ZNF420: variants seen among roughly 807,000 people sequenced by gnomAD.
The protein encoded by ZNF420 is zinc finger protein 420.
A neutral mutation model predicts 44.7 loss-of-function variants in ZNF420; 31 were observed. That is an observed-to-expected ratio of 0.69 (90% CI 0.52 to 0.94). The LOEUF is 0.94. ZNF420 is among the 40% of genes least tolerant of loss of function. ZNF420 has a pLI of 0.00. For synonymous variants in ZNF420, 245 were observed against 267.4 expected, an observed-to-expected ratio of 0.92 and a Z score of 0.82; for missense variants, 681 against 827.9, an observed-to-expected ratio of 0.82 and a Z score of 2.18.
Position 37,089,095 on chromosome 19 carries a change from T to G in ZNF420, c.-24T>G. On this transcript the variant is annotated 5_prime_UTR_variant, in exon 3 of 5. Coordinates refer to ENST00000337995, the MANE Select transcript of ZNF420 (RefSeq NM_144689.5). ...AGATAGGAACCCAGAAGAGGACTGA[T>G]CATTTCTTGCAGCTCTAAAAACCAT... 6.2e-7 allele frequency: 1 copy of G among 1,612,286 alleles called. No individual in the cohort carries two copies.
Position 37,129,769 on chromosome 19 carries a change from A to G in ZNF420, c.*711A>G, listed in dbSNP as rs868436992. ...TATTAAAAAAAAAAAAACCCAGTGG[A>G]TGTAATCAGTGTATTATTGAGCACA... On this transcript the variant is annotated 3_prime_UTR_variant, in exon 5 of 5. Coordinates refer to ENST00000337995, the MANE Select transcript of ZNF420 (RefSeq NM_144689.5). 3.4e-4 allele frequency: 80 copies of G among 233,980 alleles called. No individual in the cohort carries two copies. In the Middle Eastern group the frequency reaches 5.7e-3, roughly 17 times the overall value. 14.5% of individuals were successfully genotyped at this position (233,980 alleles called of 1,614,324 possible). A position where few individuals can be genotyped will look rare whatever the true frequency, so the allele number is the denominator to read the frequency against.
At chr19:37,058,947 G>T (rs968360614) in intron 1 of ZNF420, among the ~76,000 whole-genome samples, 5 of 152,230 alleles carry the variant, frequency 3.3e-5, no homozygotes. Context: ...GGAGGCAGAG[G>T]GCTCGTGGGT....
Sources: allele counts gnomAD v4.1 joint callset (sites outside exome capture counted in the v4.1 genomes callset), GRCh38; gene constraint gnomAD v4.1.1; transcripts MANE v1.5; gene names NCBI Gene and HGNC (gene_info 2026-07-23, HGNC 2026-07-21).